Variants in ELK3 observed in about 807,000 individuals in gnomAD.
ELK3 encodes ETS domain-containing protein Elk-3.
ELK3 carries 10 observed loss-of-function variants against 28.9 expected under a neutral mutation model. That is an observed-to-expected ratio of 0.35 (90% CI 0.21 to 0.59). The LOEUF (loss-of-function observed/expected upper bound fraction) is 0.59, where lower values mean the gene tolerates loss of function less well. Among genes scored for constraint, ELK3 ranks in the 20% least tolerant of loss-of-function variants. ELK3 has a pLI of 0.82. For synonymous variants in ELK3, 272 were observed against 243.5 expected (o/e 1.12, Z -1.09); for missense variants, 463 against 517.3 (o/e 0.90, Z 1.02).
At chr12:96,207,604 T>G (rs1951546208) in intron 1 of ELK3, among the ~76,000 whole-genome samples, 1 of 152,234 alleles carries the variant, frequency 6.6e-6, no homozygotes, top group African/African-American at 2.4e-5. Context: ...AACCAGTTCC[T>G]TGCTTCAGGA....
chr12:96,227,379 C>G (rs1336670506), intron 2 of ELK3, among the ~76,000 whole-genome samples: 1 of 152,170 alleles, frequency 6.6e-6, no homozygotes, highest in Non-Finnish European at 1.5e-5. Context: ...CATTTCTTCC[C>G]TCTTGGCTTC....
chr12:96,232,898 G>A (rs1444040297), intron 2 of ELK3, among the ~76,000 whole-genome samples: 3 of 152,200 alleles, frequency 2.0e-5, no homozygotes, highest in Non-Finnish European at 4.4e-5. Context: ...AGCCCAGGAA[G>A]TAGAGGCTGC....
chr12:96,249,913 A>G (rs1036285779), intron 3 of ELK3, among the ~76,000 whole-genome samples: 1 of 152,202 alleles, frequency 6.6e-6, no homozygotes, highest in African/African-American at 2.4e-5. Context: ...TAGGAAAGCC[A>G]GGATCTTTAC....
In ELK3 at chr12:96,225,127, G is replaced by C. The variant is rs561836871; in HGVS notation, c.207+1354G>C. Among the ~76,000 whole-genome samples, 21 of 152,314 alleles carry C rather than the reference G, an allele frequency of 1.4e-4. No homozygotes were observed. In the South Asian group the frequency reaches 3.9e-3, roughly 29 times the overall value. On this transcript the variant is annotated intron_variant, in intron 2 of 4. Coordinates refer to ENST00000228741, the MANE Select transcript of ELK3 (RefSeq NM_005230.4). ...AGCCTCGCAGATGGCTTATTGTTTTGCGTGTTTTCCCAGGTTCTAAATTCT... is the reference window on the plus strand; with the variant it reads ...AGCCTCGCAGATGGCTTATTGTTTTCCGTGTTTTCCCAGGTTCTAAATTCT...
chr12:96,241,031 G>T (rs1288817115), intron 2 of ELK3, among the ~76,000 whole-genome samples: 1 of 152,188 alleles, frequency 6.6e-6, no homozygotes, highest in Non-Finnish European at 1.5e-5. Flanking sequence ...TGTGGAGTTT[G>T]CATATGGCCT....
intron 2 of ELK3, 130 bp from the exon 3 acceptor site, chr12:96,246,810 T>C: frequency 1.1e-6 from 1 of 941,016 alleles, no homozygotes; most frequent in Non-Finnish European, 1.6e-6. Flanking sequence ...CTCCTTCCAC[T>C]TTTCCTTAGC....
At chr12:96,217,249 G>A (rs969676211) in intron 1 of ELK3, among the ~76,000 whole-genome samples, 1 of 152,114 alleles carries the variant, frequency 6.6e-6, no homozygotes, top group Non-Finnish European at 1.5e-5. Flanking sequence ...AGACCTAGTC[G>A]AAAAGAAAAG....
At chr12:96,230,985 G>C (rs1316118193) in intron 2 of ELK3, among the ~76,000 whole-genome samples, 3 of 152,194 alleles carry the variant, frequency 2.0e-5, no homozygotes, top group Non-Finnish European at 2.9e-5. Flanking sequence ...CCCGGGTATG[G>C]ATGAAAGGCC....
chr12:96,216,773 TTTATC>T (rs1951621773), intron 1 of ELK3, among the ~76,000 whole-genome samples: 1 of 152,210 alleles, frequency 6.6e-6, no homozygotes, highest in Non-Finnish European at 1.5e-5. Flanking sequence ...ATATGATACT[TTTATC>T]ATATCAGTCC....
intron 1 of ELK3, among the ~76,000 whole-genome samples, chr12:96,219,994 C>T (rs1197901987): frequency 6.6e-6 from 1 of 152,170 alleles, no homozygotes; most frequent in Non-Finnish European, 1.5e-5. Context: ...TCCGCCGGAG[C>T]AGTGTTGCGC....
At position 96,241,382 on chromosome 12, in the gene ELK3, TA is replaced by T. The variant is rs1951819678; in HGVS notation, c.208-5557del. Among the ~76,000 whole-genome samples, 4 of 152,248 alleles carry T rather than the reference TA, an allele frequency of 2.6e-5. No individual in the cohort carries two copies. The South Asian group carries it at 8.3e-4, about 32-fold the overall frequency. ...TTCTCATCTATCTACTATTTGAGAT[TA>T]TTTACACAGACTCCTTCCTCTTCAA... is the stretch of plus-strand genomic sequence containing the variant. On this transcript the variant is annotated intron_variant, in intron 2 of 4. Transcript: ENST00000228741.
chr12:96,226,097 A>C (rs1951697233), intron 2 of ELK3, among the ~76,000 whole-genome samples: 1 of 152,050 alleles, frequency 6.6e-6, no homozygotes, highest in East Asian at 1.9e-4. Flanking sequence ...GCACCACTGC[A>C]CTCCAGCTTG....
At chr12:96,208,196 C>T (rs538939136) in intron 1 of ELK3, among the ~76,000 whole-genome samples, 12 of 152,216 alleles carry the variant, frequency 7.9e-5, no homozygotes, top group African/African-American at 2.2e-4. Context: ...GGATTATAGG[C>T]GCCCGCCACC....
intron 1 of ELK3, among the ~76,000 whole-genome samples, chr12:96,216,843 T>A (rs1951622324): frequency 6.6e-6 from 1 of 152,120 alleles, no homozygotes; most frequent in Non-Finnish European, 1.5e-5. Context: ...TTCCCCAAAG[T>A]CCCACAACCA....
At position 96,247,704 on chromosome 12, in the gene ELK3, A is replaced by T; in HGVS notation, c.972A>T (p.Gly324=). ...IALNSPALPS[G]SLTPAFFTAQ... ...TCAACAGCCCAGCCCTCCCCTCGGG[A>T]TCCCTCACCCCAGCCTTCTTCACCG... Residue 324 remains glycine (G), a synonymous_variant, in exon 3 of 5, where the codon GGA becomes GGT. Coordinates refer to ENST00000228741, the MANE Select transcript of ELK3 (RefSeq NM_005230.4). This position sits in a 1 kb window ranked among gnomAD's most constrained non-coding sequence, Gnocchi z 5.5. The T allele has an allele frequency of 6.2e-7, 1 of 1,600,662 alleles. No individual in the cohort carries two copies. Among genetic ancestry groups the T allele is most frequent in the Non-Finnish European group, 8.5e-7 (1 of 1,174,016 alleles).
intron 2 of ELK3, among the ~76,000 whole-genome samples, chr12:96,225,271 AAAG>A (rs1446133468): frequency 6.6e-6 from 1 of 152,210 alleles, no homozygotes; most frequent in Admixed American, 6.5e-5. Context: ...GGTATCAAAA[AAAG>A]AAGTCCTCCC....
intron 2 of ELK3, among the ~76,000 whole-genome samples, chr12:96,232,420 A>G (rs1437782973): frequency 6.6e-6 from 1 of 151,958 alleles, no homozygotes; most frequent in Non-Finnish European, 1.5e-5. Flanking sequence ...AAATACAAAA[A>G]TTAGCTGGGC....
chr12:96,237,288 T>C (rs994177043), intron 2 of ELK3, among the ~76,000 whole-genome samples: 5 of 152,140 alleles, frequency 3.3e-5, no homozygotes, highest in African/African-American at 4.8e-5. Context: ...TGCTCTTAAA[T>C]AGCTGGGTGT....
intron 1 of ELK3, among the ~76,000 whole-genome samples, chr12:96,221,084 T>TG (rs982612089): frequency 6.6e-6 from 1 of 152,124 alleles, no homozygotes; most frequent in African/African-American, 2.4e-5. Flanking sequence ...CCTGGCCAAA[T>TG]GCAATCACAT....
Sources: gnomAD v4.1 joint callset for allele counts (sites outside exome capture counted in the v4.1 genomes callset) on GRCh38, gnomAD v4.1.1 for gene constraint, Gnocchi (gnomAD v3.1) non-coding constraint, MANE v1.5 for transcripts, NCBI Gene and HGNC (gene_info 2026-07-23, HGNC 2026-07-21) for gene names.